The following FBXL2 variants were observed in gnomAD, a reference collection of about 807,000 sequenced individuals.
The protein encoded by FBXL2 is F-box and leucine rich repeat protein 2.
A neutral mutation model predicts 69.2 loss-of-function variants in FBXL2; 38 were observed. The ratio of observed to expected loss-of-function variants is 0.55; its 90% CI spans 0.42 to 0.72. FBXL2 has a LOEUF of 0.72. FBXL2 is among the 30% of genes least tolerant of loss of function. The pLI is 0.00. For synonymous variants in FBXL2, 192 were observed against 201.3 expected, an observed-to-expected ratio of 0.95 and a Z score of 0.39; for missense variants, 354 against 520.3, an observed-to-expected ratio of 0.68 and a Z score of 3.11.
chr3:33,400,124 T>C (rs1004597033), intron 12 of FBXL2: 1 of 1,114,412 alleles, frequency 9.0e-7, no homozygotes, highest in African/African-American at 1.7e-5. Flanking sequence ...AATATAAAGT[T>C]AATAAAAGCA....
At chr3:33,328,254 A>G (rs1426516605) in intron 2 of FBXL2, among the ~76,000 whole-genome samples, 1 of 152,204 alleles carries the variant, frequency 6.6e-6, no homozygotes, top group Non-Finnish European at 1.5e-5. Flanking sequence ...AAGAATTAAT[A>G]TTGTCAAAAT....
intron 1 of FBXL2, among the ~76,000 whole-genome samples, chr3:33,293,756 A>G (rs1559497983): frequency 6.6e-6 from 1 of 152,174 alleles, no homozygotes; most frequent in Non-Finnish European, 1.5e-5. Flanking sequence ...TTTTCATGTC[A>G]TTCACCACTA....
the FBXL2 span, among the ~76,000 whole-genome samples, chr3:33,414,475 A>G: frequency 6.6e-6 from 1 of 152,220 alleles, no homozygotes; most frequent in Non-Finnish European, 1.5e-5. Flanking sequence ...CAGAGAAAGC[A>G]CATTGCTAAA....
At chr3:33,322,863 A>ACTT in intron 2 of FBXL2, among the ~76,000 whole-genome samples, 1 of 152,278 alleles carries the variant, frequency 6.6e-6, no homozygotes, top group Non-Finnish European at 1.5e-5. Context: ...AGGTATGATG[A>ACTT]AGTCTACTAT....
At chr3:33,419,279 G>A in the FBXL2 span, among the ~76,000 whole-genome samples, 3 of 152,230 alleles carry the variant, frequency 2.0e-5, no homozygotes, top group African/African-American at 7.2e-5. Context: ...CAGATTACTT[G>A]AGGTCAGGAG....
At chr3:33,339,190 A>G (rs1187472891) in intron 2 of FBXL2, among the ~76,000 whole-genome samples, 1 of 152,270 alleles carries the variant, frequency 6.6e-6, no homozygotes, top group Non-Finnish European at 1.5e-5. Flanking sequence ...GCCCAACATC[A>G]TTAATCATTA....
intron 13 of FBXL2, among the ~76,000 whole-genome samples, chr3:33,380,323 G>A (rs1237419232): frequency 1.3e-5 from 2 of 151,904 alleles, no homozygotes; most frequent in Non-Finnish European, 2.9e-5. Context: ...TTGGGAGGCC[G>A]AGGCAGGCAG....
intron 2 of FBXL2, chr3:33,317,497 CAAT>C (rs1211265037): frequency 2.2e-6 from 1 of 456,582 alleles, no homozygotes; most frequent in South Asian, 1.5e-5. Flanking sequence ...AGGATAACAA[CAAT>C]AAACAATAAA....
At chr3:33,417,681 CA>C in the FBXL2 span, among the ~76,000 whole-genome samples, 3 of 152,016 alleles carry the variant, frequency 2.0e-5, no homozygotes, top group Non-Finnish European at 4.4e-5. Flanking sequence ...TCCAAATCCA[CA>C]AAAAATGATT....
Position 33,342,797 on chromosome 3 carries a change from C to T in FBXL2, c.66-16170C>T, listed in dbSNP as rs2040147138. Among the ~76,000 whole-genome samples, 6 of 124,258 alleles carry T rather than the reference C, an allele frequency of 4.8e-5. No individual in the cohort carries two copies. The South Asian group carries it at 1.6e-3, about 33-fold the overall frequency. 81.5% of individuals were successfully genotyped at this position (124,258 alleles called of 152,430 possible). On this transcript the variant is annotated intron_variant, in intron 2 of 14. Coordinates refer to ENST00000484457, the MANE Select transcript of FBXL2 (RefSeq NM_012157.5). ...CTGGAGTGCAGTGGCGCGATCTCGG[C>T]TCACTGCAAGCTCCGCCTCCCGGGT... is the stretch of plus-strand genomic sequence containing the variant.
chr3:33,302,364 C>T (rs1236197080), intron 2 of FBXL2, among the ~76,000 whole-genome samples: 1 of 151,942 alleles, frequency 6.6e-6, no homozygotes, highest in African/African-American at 2.4e-5. Flanking sequence ...AATTACCTTG[C>T]ATTATAAAAA....
chr3:33,398,782 C>G (rs1248445198), intron 12 of FBXL2, among the ~76,000 whole-genome samples: 1 of 152,244 alleles, frequency 6.6e-6, no homozygotes, highest in Non-Finnish European at 1.5e-5. Flanking sequence ...GGGCCTCCTT[C>G]AGTTCCAAAT....
intron 5 of FBXL2, among the ~76,000 whole-genome samples, chr3:33,368,557 A>G (rs762359169): frequency 6.6e-5 from 10 of 151,910 alleles, no homozygotes; most frequent in Non-Finnish European, 8.8e-5. Flanking sequence ...ATCTATTTGT[A>G]TCTATATTTA....
rs568898616 is a variant in FBXL2, at chr3:33,328,237, G to T, written c.65+30512G>T. Among the ~76,000 whole-genome samples, 4 of 152,238 alleles carry T rather than the reference G, an allele frequency of 2.6e-5. No homozygotes were observed. In the East Asian group the frequency reaches 7.7e-4, roughly 29 times the overall value. ...AAATGGAAAGACATCCCATGCTCATGGATCAGAAGAATTAATATTGTCAAA... is the reference window on the plus strand; with the variant it reads ...AAATGGAAAGACATCCCATGCTCATTGATCAGAAGAATTAATATTGTCAAA... On this transcript the variant is annotated intron_variant, in intron 2 of 14. Coordinates refer to ENST00000484457, the MANE Select transcript of FBXL2 (RefSeq NM_012157.5).
At chr3:33,413,621 G>A in the FBXL2 span, among the ~76,000 whole-genome samples, 9 of 149,746 alleles carry the variant, frequency 6.0e-5, no homozygotes, top group East Asian at 1.2e-3. Context: ...AACACTGCCC[G>A]CTGCCTTGAA....
rs571614403 is a variant in FBXL2 at position 33,328,089 on chromosome 3, A to G, written c.65+30364A>G. ...AGCTGAAAAAGACACTGAAAAAAGC[A>G]ATCCCATTCATAATTGCTACAAAGA... On this transcript the variant is annotated intron_variant, in intron 2 of 14. Coordinates refer to ENST00000484457, the MANE Select transcript of FBXL2 (RefSeq NM_012157.5). 9.8e-5 allele frequency among the ~76,000 whole-genome samples: 15 copies of G among 152,292 alleles called. No individual in the cohort carries two copies. The East Asian group carries it at 2.7e-3, about 27-fold the overall frequency.
intron 1 of FBXL2, among the ~76,000 whole-genome samples, chr3:33,282,973 T>A (rs1330927240): frequency 6.6e-6 from 1 of 152,228 alleles, no homozygotes; most frequent in Non-Finnish European, 1.5e-5. Context: ...TTTCTAAATA[T>A]ACAATCATGT....
intron 2 of FBXL2, among the ~76,000 whole-genome samples, chr3:33,315,485 A>G (rs1032661626): frequency 6.6e-6 from 1 of 152,036 alleles, no homozygotes; most frequent in South Asian, 2.1e-4. Flanking sequence ...AAAGTTGGAA[A>G]AGCAAGTAAC....
At chr3:33,332,075 T>C (rs915671583) in intron 2 of FBXL2, among the ~76,000 whole-genome samples, 2 of 151,980 alleles carry the variant, frequency 1.3e-5, no homozygotes, top group African/African-American at 4.8e-5. Flanking sequence ...TGGAAAGGAT[T>C]AATAAAAATA....
Sources: gnomAD v4.1 joint callset for allele counts (sites outside exome capture counted in the v4.1 genomes callset) on GRCh38, gnomAD v4.1.1 for gene constraint, MANE v1.5 for transcripts, NCBI Gene and HGNC (gene_info 2026-07-23, HGNC 2026-07-21) for gene names.